IL1RAPL1: variants seen among roughly 807,000 people sequenced by gnomAD.
IL1RAPL1 encodes interleukin-1 receptor accessory protein-like 1.
A neutral mutation model predicts 48.4 loss-of-function variants in IL1RAPL1; 3 were observed. The ratio of observed to expected loss-of-function variants is 0.06; its 90% CI spans 0.03 to 0.16. The LOEUF (loss-of-function observed/expected upper bound fraction) is 0.16. IL1RAPL1 is among the 10% of genes least tolerant of loss of function. IL1RAPL1 has a pLI of 1.00. For missense variants in IL1RAPL1, 349 were observed against 530.6 expected, an observed-to-expected ratio of 0.66 and a Z score of 3.36; for synonymous variants, 185 against 187.7, an observed-to-expected ratio of 0.99 and a Z score of 0.12.
intron 2 of IL1RAPL1, among the ~76,000 whole-genome samples, chrX:29,136,863 A>G (rs1184713544): frequency 8.9e-6 from 1 of 111,927 alleles, no homozygotes; most frequent in Non-Finnish European, 1.9e-5. Context: ...TTATTATGAG[A>G]AAACTGAGGC....
chrX:29,061,295 CTGA>C (rs1927335275), intron 2 of IL1RAPL1, among the ~76,000 whole-genome samples: 1 of 111,744 alleles, frequency 8.9e-6, no homozygotes, highest in Admixed American at 9.5e-5. Flanking sequence ...TAACACCTGT[CTGA>C]TGAGCATGCT....
rs58141997 is a variant in IL1RAPL1 at position 29,710,234 on chromosome X, G to C, written c.778+41730G>C. Reference sequence around the variant, plus strand: ...TAGCAAGAGTTGGCATCCTTGTCTTGTTCTTGATCTTTGAGAATAAGCTTT... The same window carrying C: ...TAGCAAGAGTTGGCATCCTTGTCTTCTTCTTGATCTTTGAGAATAAGCTTT... On this transcript the variant is annotated intron_variant, in intron 6 of 10. Coordinates refer to ENST00000378993, the MANE Select transcript of IL1RAPL1 (RefSeq NM_014271.4). Among the ~76,000 whole-genome samples, 1,051 of 111,059 alleles carry C rather than the reference G, an allele frequency of 9.5e-3. 9 individuals are homozygous for C. Among genetic ancestry groups the C allele is most frequent in the African/African-American group, 0.032 (985 of 30,642 alleles).
At chrX:29,240,213 TATATATATATA>T (rs1218389431) in intron 2 of IL1RAPL1, among the ~76,000 whole-genome samples, 2 of 51,683 alleles carry the variant, frequency 3.9e-5, no homozygotes, top group East Asian at 9.2e-4. Context: ...TATATATATA[TATATATATATA>T]TTTTTTTTTT....
At chrX:28,849,032 G>T (rs180769013) in intron 2 of IL1RAPL1, among the ~76,000 whole-genome samples, 2 of 110,002 alleles carry the variant, frequency 1.8e-5, no homozygotes, top group African/African-American at 6.6e-5. Flanking sequence ...CTAAAACCTA[G>T]CAATTTTCTC....
chrX:29,478,183 G>T (rs1386425013), intron 5 of IL1RAPL1, among the ~76,000 whole-genome samples: 1 of 111,899 alleles, frequency 8.9e-6, no homozygotes, highest in Non-Finnish European at 1.9e-5. Flanking sequence ...AACACACCCA[G>T]AATTGAGCAT....
chrX:29,287,940 A>G (rs1004714433), intron 3 of IL1RAPL1, among the ~76,000 whole-genome samples: 3 of 111,392 alleles, frequency 2.7e-5, no homozygotes, highest in African/African-American at 9.8e-5. Context: ...CCAGTTATGG[A>G]CCATGCTTTT....
intron 6 of IL1RAPL1, among the ~76,000 whole-genome samples, chrX:29,729,617 A>G (rs1006749956): frequency 2.7e-5 from 3 of 112,071 alleles, no homozygotes; most frequent in African/African-American, 6.5e-5. Context: ...AACTACAGTG[A>G]GCAGCTTTAC....
chrX:28,588,206 A>ATGTGTGTGTGTGTGTGTGTGTGTGTG, intron 1 of IL1RAPL1, among the ~76,000 whole-genome samples, 159 bp downstream of exon 1: 1 of 49,917 alleles, frequency 2.0e-5, no homozygotes, highest in Non-Finnish European at 3.7e-5. Context: ...GTGTGTTGAT[A>ATGTGTGTGTGTGTGTGTGTGTGTGTG]TGTGTGTGTG....
chrX:29,477,630 A>G (rs920006986), intron 5 of IL1RAPL1, among the ~76,000 whole-genome samples: 10 of 112,129 alleles, frequency 8.9e-5, no homozygotes, highest in African/African-American at 3.2e-4. Flanking sequence ...ATTAACATAA[A>G]AACCCAAAGA....
intron 6 of IL1RAPL1, among the ~76,000 whole-genome samples, chrX:29,784,039 T>C (rs1275022844): frequency 1.8e-5 from 2 of 111,985 alleles, no homozygotes; most frequent in Non-Finnish European, 3.8e-5. Flanking sequence ...CTCTGGAGGA[T>C]AAATGCCTAT....
chrX:28,924,031 A>G (rs966379480), intron 2 of IL1RAPL1: 3 of 111,543 alleles, frequency 2.7e-5, no homozygotes, highest in Admixed American at 9.6e-5. Flanking sequence ...GCTCATATAT[A>G]CAAGATTTCA....
chrX:29,528,558 G>C (rs1470860741), intron 5 of IL1RAPL1, among the ~76,000 whole-genome samples: 2 of 111,906 alleles, frequency 1.8e-5, no homozygotes, highest in Admixed American at 1.9e-4. Context: ...GTTTCTGTTG[G>C]ACAGAAGTCT....
At chrX:29,920,794 CAAAAAAAAAA>C (rs1176529100) in intron 8 of IL1RAPL1, among the ~76,000 whole-genome samples, 3 of 31,631 alleles carry the variant, frequency 9.5e-5, no homozygotes, top group Non-Finnish European at 1.6e-4. Flanking sequence ...GACCCTGTCT[CAAAAAAAAAA>C]AAAAAAAAAA....
chrX:29,593,113 A>G (rs922760185), intron 5 of IL1RAPL1, among the ~76,000 whole-genome samples: 4 of 111,402 alleles, frequency 3.6e-5, no homozygotes, highest in African/African-American at 1.3e-4. Flanking sequence ...TTCCCCAGCC[A>G]TGGTGTTTGC....
chrX:28,625,173 C>A (rs774773401), intron 1 of IL1RAPL1, among the ~76,000 whole-genome samples: 4 of 111,981 alleles, frequency 3.6e-5, no homozygotes, highest in African/African-American at 9.7e-5. Context: ...TCTGGTAGAT[C>A]AAATAGACTA....
intron 6 of IL1RAPL1, among the ~76,000 whole-genome samples, chrX:29,705,255 C>A (rs1268146364): frequency 1.8e-5 from 2 of 111,583 alleles, no homozygotes; most frequent in Non-Finnish European, 3.8e-5. Context: ...TGCTGTGTCG[C>A]CCAGGCTGGA....
intron 2 of IL1RAPL1, among the ~76,000 whole-genome samples, chrX:28,987,670 A>C (rs1925508372): frequency 9.0e-6 from 1 of 111,627 alleles, no homozygotes; most frequent in African/African-American, 3.3e-5. Context: ...TACCCCCTCA[A>C]TTCTCCTTGC....
chrX:29,534,561 G>A (rs1246424410), intron 5 of IL1RAPL1, among the ~76,000 whole-genome samples: 1 of 111,737 alleles, frequency 8.9e-6, no homozygotes, highest in Non-Finnish European at 1.9e-5. Flanking sequence ...CCAGCCAGGT[G>A]TGGTGACTCA....
At chrX:28,693,798 C>A (rs1935203178) in intron 1 of IL1RAPL1, among the ~76,000 whole-genome samples, 1 of 111,664 alleles carries the variant, frequency 9.0e-6, no homozygotes, top group Non-Finnish European at 1.9e-5. Flanking sequence ...CAGCAGGGAG[C>A]CCTGCTCTGT....
Sources: gnomAD v4.1 joint callset for allele counts (sites outside exome capture counted in the v4.1 genomes callset) on GRCh38, gnomAD v4.1.1 for gene constraint, MANE v1.5 for transcripts, NCBI Gene and HGNC (gene_info 2026-07-23, HGNC 2026-07-21) for gene names.